The following PTPRN2 variants were observed in gnomAD, a reference collection of about 807,000 sequenced individuals.
PTPRN2 encodes receptor-type tyrosine-protein phosphatase N2.
Under a neutral mutation model 118.8 loss-of-function variants are expected in PTPRN2, and 74 were observed. That is an observed-to-expected ratio of 0.62 (90% CI 0.52 to 0.76). The LOEUF is 0.76. PTPRN2 is among the 30% of genes least tolerant of loss of function. PTPRN2 has a pLI of 0.00. For missense variants in PTPRN2, 1,481 were observed against 1,394.4 expected (o/e 1.06, Z -0.99); for synonymous variants, 641 against 608.0 (o/e 1.05, Z -0.80).
At chr7:158,136,402 C>T (rs550404745) in intron 8 of PTPRN2, among the ~76,000 whole-genome samples, 51 of 152,230 alleles carry the variant, frequency 3.4e-4, no homozygotes, top group Admixed American at 5.9e-4. Context: ...TTCTTCTTTG[C>T]ATTTACCACG....
intron 2 of PTPRN2, among the ~76,000 whole-genome samples, chr7:158,323,010 C>T (rs911051427): frequency 6.6e-6 from 1 of 152,252 alleles, no homozygotes; most frequent in African/African-American, 2.4e-5. Flanking sequence ...CCTCTGCCGG[C>T]AGCAGCAACC....
In PTPRN2 at chr7:158,003,050, G is replaced by A. The variant is rs548197244; in HGVS notation, c.1723+78248C>T. Among the ~76,000 whole-genome samples, 141 of 152,292 alleles carry A rather than the reference G, an allele frequency of 9.3e-4. No homozygotes were observed. The highest frequency in any genetic ancestry group is 3.2e-3 in the African/African-American group (135 of 41,574). The stretch of plus-strand genomic sequence containing the variant: ...TTTGGCTTCTGTCATGAGCTGACCT[G>A]TGTCCCCCAAAATCCACAGGGGAAG... On this transcript the variant is annotated intron_variant, in intron 11 of 22. Transcript: ENST00000389418. This position sits in a 1 kb window ranked among gnomAD's most constrained non-coding sequence, Gnocchi z 5.0.
intron 11 of PTPRN2, among the ~76,000 whole-genome samples, chr7:158,057,651 C>A (rs1809898850): frequency 6.6e-6 from 1 of 152,138 alleles, no homozygotes; most frequent in Non-Finnish European, 1.5e-5. Context: ...ATGGAGGACC[C>A]CAGAGAGCCC....
chr7:158,137,460 T>C (rs1297071859), intron 7 of PTPRN2, among the ~76,000 whole-genome samples: 2 of 152,258 alleles, frequency 1.3e-5, no homozygotes, highest in East Asian at 3.9e-4. Flanking sequence ...AATATCCTAC[T>C]TTCAGTGCCC....
chr7:158,286,145 C>A (rs181849512), intron 3 of PTPRN2, among the ~76,000 whole-genome samples: 1 of 152,170 alleles, frequency 6.6e-6, no homozygotes, highest in Non-Finnish European at 1.5e-5. Flanking sequence ...TATCTGATTT[C>A]TTTTTCAGAC....
At chr7:157,847,429 G>T (rs56375013) in intron 12 of PTPRN2, among the ~76,000 whole-genome samples, 78 of 77,994 alleles carry the variant, frequency 1.0e-3, no homozygotes, top group Admixed American at 1.4e-3. Flanking sequence ...CACTCCATCA[G>T]GTGTGCCTGA....
intron 3 of PTPRN2, among the ~76,000 whole-genome samples, chr7:158,279,520 A>T (rs533042193): frequency 6.6e-6 from 1 of 152,320 alleles, no homozygotes; most frequent in South Asian, 2.1e-4. Flanking sequence ...CGAGAAAGAG[A>T]CAGAGACCCA....
chr7:158,382,711 C>T (rs1270645576), intron 2 of PTPRN2, among the ~76,000 whole-genome samples: 5 of 152,212 alleles, frequency 3.3e-5, no homozygotes, highest in South Asian at 2.1e-4. Flanking sequence ...ACACTCTGTA[C>T]GAGAATCTAA....
intron 19 of PTPRN2, among the ~76,000 whole-genome samples, chr7:157,573,847 T>G (rs1036101184): frequency 1.3e-5 from 2 of 152,218 alleles, no homozygotes; most frequent in South Asian, 2.1e-4. Context: ...TCGCTGTAAT[T>G]TTCATATCCG....
intron 3 of PTPRN2, among the ~76,000 whole-genome samples, chr7:158,262,579 A>AT (rs1375543056): frequency 2.8e-5 from 4 of 144,030 alleles, no homozygotes; most frequent in African/African-American, 5.2e-5. Context: ...ATTCACACAC[A>AT]GCACACACAT....
chr7:157,921,952 G>A (rs1798714321), intron 11 of PTPRN2, among the ~76,000 whole-genome samples: 1 of 152,198 alleles, frequency 6.6e-6, no homozygotes, highest in South Asian at 2.1e-4. Flanking sequence ...GGGGCGTGGA[G>A]TGGAAGGCAG....
intron 10 of PTPRN2, among the ~76,000 whole-genome samples, chr7:158,110,314 C>G (rs752581931): frequency 6.6e-6 from 1 of 152,256 alleles, no homozygotes; most frequent in Non-Finnish European, 1.5e-5. Flanking sequence ...TGTACTCACC[C>G]ACCAGCCCTG....
At chr7:157,698,111 C>T (rs902492849) in intron 12 of PTPRN2, among the ~76,000 whole-genome samples, 7 of 152,326 alleles carry the variant, frequency 4.6e-5, no homozygotes, top group Non-Finnish European at 8.8e-5. Flanking sequence ...TGCCACATTG[C>T]TTATGTTAGA....
intron 1 of PTPRN2, among the ~76,000 whole-genome samples, chr7:158,513,679 G>T (rs1823335321): frequency 6.6e-6 from 1 of 152,176 alleles, no homozygotes; most frequent in Non-Finnish European, 1.5e-5. Context: ...AATGCTATAG[G>T]TTAATACTTC....
chr7:157,681,796 A>G (rs965098355), intron 13 of PTPRN2, among the ~76,000 whole-genome samples: 1 of 152,256 alleles, frequency 6.6e-6, no homozygotes. Flanking sequence ...ATACGACTGT[A>G]AAAATGATGA....
At chr7:158,508,109 A>G (rs1822900770) in intron 1 of PTPRN2, among the ~76,000 whole-genome samples, 1 of 151,972 alleles carries the variant, frequency 6.6e-6, no homozygotes, top group African/African-American at 2.4e-5. Flanking sequence ...AGGAAATCAC[A>G]TACACGGAGG....
intron 12 of PTPRN2, among the ~76,000 whole-genome samples, chr7:157,703,122 T>G (rs1326859330): frequency 6.6e-6 from 1 of 152,214 alleles, no homozygotes; most frequent in Non-Finnish European, 1.5e-5. Context: ...ATTCTTGAAA[T>G]GTCAGTGTGG....
chr7:158,325,955 C>T (rs939713623), intron 2 of PTPRN2, among the ~76,000 whole-genome samples: 2 of 152,244 alleles, frequency 1.3e-5, no homozygotes, highest in Non-Finnish European at 2.9e-5. Context: ...CCTGGGAACA[C>T]ACCTGGGAAG....
intron 2 of PTPRN2, among the ~76,000 whole-genome samples, chr7:158,319,509 C>CCTCACACACGCACACAGCCTCCT (rs1563131612): frequency 2.7e-5 from 1 of 37,056 alleles, no homozygotes; most frequent in Non-Finnish European, 4.9e-5. Context: ...CAGCCTCCCC[C>CCTCACACACGCACACAGCCTCCT]CACACACACA....
Sources: gnomAD v4.1 joint callset for allele counts (sites outside exome capture counted in the v4.1 genomes callset) on GRCh38, gnomAD v4.1.1 for gene constraint, Gnocchi (gnomAD v3.1) non-coding constraint, MANE v1.5 for transcripts, NCBI Gene and HGNC (gene_info 2026-07-23, HGNC 2026-07-21) for gene names.